Variants in CHST9 observed in about 807,000 individuals in gnomAD.
CHST9 encodes GalNAc-4-sulfotransferase 2.
In CHST9, 41 loss-of-function variants were observed where a neutral mutation model predicts 44.4. The ratio of observed to expected loss-of-function variants is 0.92; its 90% CI spans 0.72 to 1.20. The LOEUF (loss-of-function observed/expected upper bound fraction) is 1.20. CHST9 is among the 50% of genes most tolerant of loss of function. The pLI, the probability that CHST9 is intolerant of heterozygous loss-of-function variation, is 0.00. For synonymous variants in CHST9, 171 were observed against 178.4 expected (o/e 0.96, Z 0.33); for missense variants, 504 against 516.5 (o/e 0.98, Z 0.23).
intron 3 of CHST9, among the ~76,000 whole-genome samples, chr18:27,027,119 A>T (rs2057292626): frequency 6.6e-6 from 1 of 152,262 alleles, no homozygotes; most frequent in Admixed American, 6.5e-5. Context: ...GAGAGAACAC[A>T]AATACAACCA....
chr18:27,161,598 G>A (rs572479612), intron 1 of CHST9, among the ~76,000 whole-genome samples: 19 of 152,282 alleles, frequency 1.2e-4, no homozygotes, highest in African/African-American at 4.6e-4. Flanking sequence ...TTGATTTGGG[G>A]TGGAGAGTTC....
chr18:26,983,522 A>G (rs1265047118), intron 4 of CHST9, among the ~76,000 whole-genome samples: 3 of 152,254 alleles, frequency 2.0e-5, no homozygotes, highest in Middle Eastern at 3.4e-3. Context: ...CAGCTCACTG[A>G]GGCCTCCCCA....
At chr18:27,020,429 G>T (rs1469876850) in intron 4 of CHST9, among the ~76,000 whole-genome samples, 2 of 152,212 alleles carry the variant, frequency 1.3e-5, no homozygotes, top group Non-Finnish European at 2.9e-5. Flanking sequence ...GGGAGCCAAG[G>T]CTGAGAAGAG....
intron 4 of CHST9, among the ~76,000 whole-genome samples, chr18:26,948,226 A>T (rs2056193736): frequency 6.6e-6 from 1 of 152,182 alleles, no homozygotes. Context: ...GGAGGGGAAC[A>T]TCACACACTG....
At chr18:27,053,215 AGAG>A (rs1195896603) in intron 2 of CHST9, among the ~76,000 whole-genome samples, 8 of 78,438 alleles carry the variant, frequency 1.0e-4, no homozygotes, top group South Asian at 4.8e-4. Context: ...AAGAGGAGGA[AGAG>A]GAAGAAGAAG....
At chr18:27,012,807 G>A (rs113402684) in intron 4 of CHST9, among the ~76,000 whole-genome samples, 15 of 152,318 alleles carry the variant, frequency 9.8e-5, no homozygotes, top group African/African-American at 2.6e-4. Flanking sequence ...GTAATTATAA[G>A]TCAATTTAAT....
chr18:27,023,650 CT>C (rs2057250155), intron 4 of CHST9, among the ~76,000 whole-genome samples: 1 of 152,130 alleles, frequency 6.6e-6, no homozygotes, highest in South Asian at 2.1e-4. Flanking sequence ...AAATTCAAAG[CT>C]AAATTTCAGC....
At chr18:26,989,392 C>G (rs138181678) in intron 4 of CHST9, among the ~76,000 whole-genome samples, 253 of 152,228 alleles carry the variant, frequency 1.7e-3, no homozygotes, top group African/African-American at 6.0e-3. Context: ...CCCTACATAC[C>G]TATTTAGAAT....
intron 2 of CHST9, among the ~76,000 whole-genome samples, chr18:27,091,545 C>T (rs926711365): frequency 2.6e-5 from 4 of 152,234 alleles, no homozygotes; most frequent in African/African-American, 9.6e-5. Context: ...GGAATGCTTC[C>T]AGTTTTTGCC....
chr18:27,104,055 C>T (rs957448385), intron 2 of CHST9, among the ~76,000 whole-genome samples: 3 of 152,100 alleles, frequency 2.0e-5, no homozygotes, highest in African/African-American at 4.8e-5. Context: ...TTAAAATCTT[C>T]TATCATACTT....
intron 3 of CHST9, among the ~76,000 whole-genome samples, chr18:27,044,459 C>T (rs1477655895): frequency 6.6e-6 from 1 of 151,956 alleles, no homozygotes; most frequent in Non-Finnish European, 1.5e-5. Context: ...GCATTTTAAG[C>T]TTGATTCTAA....
intron 2 of CHST9, among the ~76,000 whole-genome samples, chr18:27,129,307 G>A (rs2058452125): frequency 6.6e-6 from 1 of 152,128 alleles, no homozygotes; most frequent in South Asian, 2.1e-4. Context: ...ATGAATTAGA[G>A]AAACTGTGCA....
chr18:26,923,245 A>G (rs1020719037), intron 5 of CHST9, among the ~76,000 whole-genome samples: 13 of 152,206 alleles, frequency 8.5e-5, no homozygotes, highest in Non-Finnish European at 1.8e-4. Flanking sequence ...GAGAGCAGAA[A>G]TGGGGGTCCA....
chr18:27,080,167 T>A (rs1217982705), intron 2 of CHST9, among the ~76,000 whole-genome samples: 1 of 152,058 alleles, frequency 6.6e-6, no homozygotes, highest in Non-Finnish European at 1.5e-5. Flanking sequence ...TGGCAAATAC[T>A]AAAATGACCA....
intron 2 of CHST9, among the ~76,000 whole-genome samples, chr18:27,088,870 A>C (rs748832129): frequency 3.0e-4 from 45 of 152,170 alleles, no homozygotes; most frequent in Non-Finnish European, 2.1e-4. Flanking sequence ...CCTGGTTTAG[A>C]ATCCTCCTAC....
At chr18:27,024,928 G>A (rs1459526466) in intron 3 of CHST9, among the ~76,000 whole-genome samples, 3 of 151,904 alleles carry the variant, frequency 2.0e-5, no homozygotes, top group Non-Finnish European at 4.4e-5. Flanking sequence ...AGTCACCTAT[G>A]GGGAGAGAAG....
At position 26,908,730 on chromosome 18, in the gene CHST9, G is replaced by T. The variant is rs2055401688; in HGVS notation, c.*7529C>A. On this transcript the variant is annotated 3_prime_UTR_variant, in exon 6 of 6. Transcript: ENST00000618847. ...ATATGTCAGAGTCAGTCAAATGTTG[G>T]CAATGTCATATGGTTCAACCTAATA... 1 of 152,120 alleles carries T rather than the reference G, an allele frequency of 6.6e-6. No individual in the cohort carries two copies. Among genetic ancestry groups the T allele is most frequent in the Non-Finnish European group, 1.5e-5 (1 of 68,024 alleles). The allele number at this position is 152,120 out of a possible 1,614,324, so 9.4% of individuals were successfully genotyped here.
chr18:26,996,542 T>G (rs943483695), intron 4 of CHST9, among the ~76,000 whole-genome samples: 2 of 152,168 alleles, frequency 1.3e-5, no homozygotes, highest in African/African-American at 4.8e-5. Flanking sequence ...TGGTTAACAG[T>G]TAGGGTAGCA....
chr18:26,939,943 C>T (rs1295336683), intron 5 of CHST9, among the ~76,000 whole-genome samples: 2 of 152,138 alleles, frequency 1.3e-5, no homozygotes, highest in African/African-American at 2.4e-5. Flanking sequence ...CATACCCCCT[C>T]CCCAAGCAGA....
Sources: allele counts gnomAD v4.1 joint callset (sites outside exome capture counted in the v4.1 genomes callset), GRCh38; gene constraint gnomAD v4.1.1; transcripts MANE v1.5; gene names NCBI Gene and HGNC (gene_info 2026-07-23, HGNC 2026-07-21).